Variants in DLG5 observed in about 807,000 individuals in gnomAD.
DLG5 encodes the protein disks large homolog 5.
In DLG5, 48 loss-of-function variants were observed where a neutral mutation model predicts 189.8. The observed-to-expected ratio is 0.25, with a 90% CI of 0.20 to 0.32. DLG5 has a LOEUF of 0.32. DLG5 is among the 10% of genes least tolerant of loss of function. The pLI is 1.00. For synonymous variants in DLG5, 1,016 were observed against 1,054.1 expected (o/e 0.96, Z 0.70); for missense variants, 2,160 against 2,544.7 (o/e 0.85, Z 3.25).
chr10:77,868,147 T>G (rs755722368), intron 2 of DLG5: 1 of 453,784 alleles, frequency 2.2e-6, no homozygotes, highest in South Asian at 1.6e-5. Context: ...AGACAATCAA[T>G]TTCTGCTGTG....
upstream of DLG5, chr10:77,927,003 C>G (rs759097740): frequency 5.0e-5 from 17 of 342,122 alleles, no homozygotes; most frequent in South Asian, 3.4e-4. Flanking sequence ...CAGCTCCGGC[C>G]CGGCTCGGAG....
At chr10:77,913,732 GC>G (rs529212842) in intron 1 of DLG5, among the ~76,000 whole-genome samples, 69 of 152,204 alleles carry the variant, frequency 4.5e-4, no homozygotes, top group African/African-American at 1.6e-3. Context: ...GGGGATACAG[GC>G]AGTGTCCCCT....
intron 7 of DLG5, 59 bp downstream of exon 7, chr10:77,841,822 C>G: frequency 6.4e-7 from 1 of 1,556,318 alleles, no homozygotes; most frequent in African/African-American, 1.3e-5. Context: ...ACTCTGCAGC[C>G]CCTCTTCCCG....
rs568590078 is a variant in DLG5, at chr10:77,818,012, T to C, written c.3672-123A>G. ...GGCAGAAGGGAGGCCCAGGAGCCAC[T>C]GATTATCAGCCGAGGATAGCAGGCT... On this transcript the variant is annotated intron_variant, in intron 17 of 31. Transcript: ENST00000372391. 5 of 765,856 alleles carry C rather than the reference T, an allele frequency of 6.5e-6. No homozygotes were observed. The East Asian group carries it at 1.1e-4, about 17-fold the overall frequency. 47.4% of individuals were successfully genotyped at this position (765,856 alleles called of 1,614,324 possible).
chr10:77,848,481 G>C (rs1401601926), intron 5 of DLG5, among the ~76,000 whole-genome samples: 1 of 152,040 alleles, frequency 6.6e-6, no homozygotes, highest in Non-Finnish European at 1.5e-5. Context: ...CACTGCCCTG[G>C]TCCCAGGAAT....
At chr10:77,901,847 T>C (rs1313484032) in intron 1 of DLG5, among the ~76,000 whole-genome samples, 2 of 152,118 alleles carry the variant, frequency 1.3e-5, no homozygotes, top group African/African-American at 4.8e-5. Flanking sequence ...GACCCACTTC[T>C]CCCTGCACAC....
chr10:77,832,670 G>A (rs1842938131), intron 9 of DLG5, among the ~76,000 whole-genome samples: 1 of 152,144 alleles, frequency 6.6e-6, no homozygotes, highest in African/African-American at 2.4e-5. Flanking sequence ...TAGCAGACAG[G>A]AGGCACAAAT....
intron 26 of DLG5, 29 bp downstream of exon 26, chr10:77,806,729 A>ACCCCCCC: frequency 2.5e-6 from 2 of 809,822 alleles, no homozygotes; most frequent in Non-Finnish European, 1.9e-6. Context: ...CCCCTGCCCC[A>ACCCCCCC]CCCCACCCCA....
In DLG5 at chr10:77,886,403, C is replaced by G. The variant is rs189646130; in HGVS notation, c.305-17206G>C. Among the ~76,000 whole-genome samples the G allele has an allele frequency of 7.5e-5, 11 of 145,970 alleles. No homozygotes were observed. The East Asian group carries it at 2.2e-3, about 30-fold the overall frequency. On this transcript the variant is annotated intron_variant, in intron 1 of 31. Transcript: ENST00000372391. The stretch of plus-strand genomic sequence containing the variant: ...ATGTTGCTTTTTTTTTTTTTGGAGA[C>G]AGAGTCTCGCTCTGTCACCCAGGCT...
At chr10:77,802,319 C>T (rs1033700115) in intron 27 of DLG5, among the ~76,000 whole-genome samples, 2 of 152,184 alleles carry the variant, frequency 1.3e-5, no homozygotes, top group African/African-American at 4.8e-5. Context: ...AAAACATCCA[C>T]CAATCTAAAA....
chr10:77,938,449 A>C, the DLG5 span, among the ~76,000 whole-genome samples: 304 of 152,148 alleles, frequency 2.0e-3, 1 homozygote, highest in African/African-American at 6.8e-3. Flanking sequence ...AAAACAAACA[A>C]AAACCTCACC....
intron 2 of DLG5, 197 bp downstream of exon 2, chr10:77,868,932 T>C (rs370052395): frequency 3.4e-6 from 2 of 591,694 alleles, no homozygotes; most frequent in South Asian, 2.0e-5. Context: ...TTCCCAGCAC[T>C]CACCTCCCCA....
At chr10:77,827,508 G>A (rs952565378) in intron 13 of DLG5, among the ~76,000 whole-genome samples, 6 of 152,186 alleles carry the variant, frequency 3.9e-5, no homozygotes, top group Non-Finnish European at 7.4e-5. Context: ...TTACGGGCGT[G>A]AGCCACCGTG....
chr10:77,843,192 C>T (rs906004067), intron 6 of DLG5, among the ~76,000 whole-genome samples: 1 of 152,190 alleles, frequency 6.6e-6, no homozygotes. Context: ...GAGATTTCTA[C>T]ACGCTCAGAA....
intron 26 of DLG5, chr10:77,806,159 C>T (rs944616885): frequency 1.8e-5 from 7 of 391,764 alleles, no homozygotes; most frequent in Admixed American, 1.2e-4. Context: ...GGTGACATGA[C>T]GAGTTACGCT....
intron 10 of DLG5, 58 bp from the exon 11 acceptor site, chr10:77,830,402 C>T (rs1842843275): frequency 1.9e-6 from 3 of 1,609,672 alleles, no homozygotes; most frequent in Admixed American, 3.3e-5. Context: ...AGACATTTGG[C>T]TCTTAAGCCC....
In DLG5 at chr10:77,817,077, C is replaced by T. The variant is rs748077559; in HGVS notation, c.3804G>A (p.Gln1268=). 7.4e-6 allele frequency: 12 copies of T among 1,614,200 alleles called. No homozygotes were observed. The South Asian group carries it at 9.9e-5, about 13-fold the overall frequency. The change falls in exon 19 of 32, where the codon CAG becomes CAA. Residue 1268 remains glutamine (Q), a synonymous_variant. Transcript: ENST00000372391. Reference sequence around the variant, plus strand: ...GGATTTTAATGCGTTCCGCCTTGAACTGCAAGTTACTCGAAGAACCTATTG... The same window carrying T: ...GGATTTTAATGCGTTCCGCCTTGAATTGCAAGTTACTCGAAGAACCTATTG... ...SARLGSSSNL[Q]FKAERIKIPS...
intron 9 of DLG5, among the ~76,000 whole-genome samples, chr10:77,831,516 T>G (rs1220230466): frequency 6.6e-6 from 1 of 152,240 alleles, no homozygotes; most frequent in Non-Finnish European, 1.5e-5. Context: ...AAAACTATTT[T>G]GAAAATGACT....
the DLG5 span, among the ~76,000 whole-genome samples, chr10:77,939,307 T>C: frequency 0.014 from 2,121 of 152,018 alleles, 57 homozygotes; most frequent in African/African-American, 0.048. Context: ...GGTGCAGACA[T>C]GTGGAAACCA....
Sources: allele counts gnomAD v4.1 joint callset (sites outside exome capture counted in the v4.1 genomes callset), GRCh38; gene constraint gnomAD v4.1.1; transcripts MANE v1.5; gene names NCBI Gene and HGNC (gene_info 2026-07-23, HGNC 2026-07-21).